CARMIL3: variants seen among roughly 807,000 people sequenced by gnomAD.
CARMIL3 encodes capping protein regulator and myosin 1 linker 3.
Under a neutral mutation model 180.8 loss-of-function variants are expected in CARMIL3, and 88 were observed. That is an observed-to-expected ratio of 0.49 (90% CI 0.41 to 0.58). The LOEUF (loss-of-function observed/expected upper bound fraction) is 0.58, where lower values mean the gene tolerates loss of function less well. Among genes scored for constraint, CARMIL3 ranks in the 20% least tolerant of loss-of-function variants. The pLI, the probability that CARMIL3 is intolerant of heterozygous loss-of-function variation, is 0.00. For synonymous variants in CARMIL3, 696 were observed against 714.5 expected (o/e 0.97, Z 0.41); for missense variants, 1,548 against 1,787.0 (o/e 0.87, Z 2.41).
chr14:24,052,740 AG>A (rs1269989477), intron 1 of CARMIL3, among the ~76,000 whole-genome samples: 3 of 152,260 alleles, frequency 2.0e-5, no homozygotes, highest in African/African-American at 7.2e-5. Flanking sequence ...AACCAAGAGC[AG>A]GAGGGTCTCT....
At position 24,053,449 on chromosome 14, in the gene CARMIL3, G is replaced by A. The variant is rs528518851; in HGVS notation, c.41-260G>A. Among the ~76,000 whole-genome samples the A allele has an allele frequency of 5.3e-5, 8 of 152,256 alleles. No individual in the cohort carries two copies. The South Asian group carries it at 6.2e-4, about 12-fold the overall frequency. Reference sequence around the variant, plus strand: ...ACCCTCCCACAGACAGTCAGCAACCGTCCCCTGACTCAGGGACATCAGGAG... The same window carrying A: ...ACCCTCCCACAGACAGTCAGCAACCATCCCCTGACTCAGGGACATCAGGAG... On this transcript the variant is annotated intron_variant, in intron 1 of 39. Coordinates refer to ENST00000342740, the MANE Select transcript of CARMIL3 (RefSeq NM_138360.4).
chr14:24,060,751 C>T lies in CARMIL3; in HGVS notation c.2185C>T (p.Arg729Trp), dbSNP rs754544491. Reference protein sequence around the residue: ...RDLIKDAKNSRALFPSLYELG... With the variant: ...RDLIKDAKNSWALFPSLYELG... The stretch of plus-strand genomic sequence containing the variant: ...CCTCATCAAAGATGCCAAGAACTCC[C>T]GGGCGGTGAGCCCTCCACAGGCTAC... Residue 729 changes from arginine to tryptophan, a missense_variant, in exon 25 of 40, where the codon CGG becomes TGG. By Grantham distance (101) the Arg-to-Trp change is moderately radical. Transcript: ENST00000342740. 10 of 1,613,312 alleles carry T rather than the reference C, an allele frequency of 6.2e-6. 1 individual carries two copies. The highest frequency in any genetic ancestry group is 4.4e-5 in the South Asian group (4 of 90,928).
intron 27 of CARMIL3, 26 bp from the exon 28 acceptor site, chr14:24,062,454 C>G: frequency 1.2e-6 from 2 of 1,604,164 alleles, no homozygotes; most frequent in Non-Finnish European, 1.7e-6. Flanking sequence ...TGCTAATGTT[C>G]TGAGTAGCCC....
At chr14:24,068,454 G>A (rs1454039410) in intron 36 of CARMIL3, 130 bp from the exon 37 acceptor site, 1 of 654,972 alleles carries the variant, frequency 1.5e-6, no homozygotes, top group Admixed American at 2.8e-5. Flanking sequence ...ATGAAAGGCA[G>A]AGACATAGGA....
In CARMIL3 at chr14:24,068,599, C is replaced by A. The variant is rs1356369921; in HGVS notation, c.3698C>A (p.Pro1233His). 1 of 1,612,970 alleles carries A rather than the reference C, an allele frequency of 6.2e-7. No homozygotes were observed. The change falls in exon 37 of 40, where the codon CCC becomes CAC. Residue 1233 changes from proline (P) to histidine (H), a missense_variant. Physicochemically the swap from Pro to His is moderately conservative, Grantham distance 77 (BLOSUM62 -2). Transcript: ENST00000342740. Reference protein sequence around the residue: ...ATWHIAEESAPNHSCQSPSPA... With the variant: ...ATWHIAEESAHNHSCQSPSPA... The stretch of plus-strand genomic sequence containing the variant: ...TCATCCCCAGCTGAAGAGAGTGCCC[C>A]CAACCACAGCTGCCAGAGTCCCAGC...
At chr14:24,057,312 A>AC in intron 14 of CARMIL3, 68 bp downstream of exon 14, 1 of 1,425,830 alleles carries the variant, frequency 7.0e-7, no homozygotes. Context: ...CCTCGGTCTC[A>AC]CCCCCTATCC....
intron 10 of CARMIL3, 49 bp from the exon 11 acceptor site, chr14:24,056,250 G>T: frequency 6.7e-7 from 1 of 1,496,020 alleles, no homozygotes; most frequent in Non-Finnish European, 9.2e-7. Flanking sequence ...CCCAGAGGCT[G>T]GGACCTGGGG....
Position 24,059,048 on chromosome 14 carries a change from A to C in CARMIL3, c.1571+62A>C. On this transcript the variant is annotated intron_variant, in intron 19 of 39. Transcript: ENST00000342740. The surrounding 1 kb of genome is among the most constrained non-coding windows in gnomAD (Gnocchi z 6.3). ...CATCATTCACCCATCCTCTTGGCTC[A>C]CCGTATTACCTCTGGCCACCTCTCT... The C allele has an allele frequency of 6.3e-7, 1 of 1,599,742 alleles. No homozygotes were observed. Among genetic ancestry groups the C allele is most frequent in the Non-Finnish European group, 8.5e-7 (1 of 1,172,482 alleles).
At chr14:24,062,451 G>C (rs756128806) in intron 27 of CARMIL3, 29 bp from the exon 28 acceptor site, 1 of 1,600,698 alleles carries the variant, frequency 6.2e-7, no homozygotes, top group Non-Finnish European at 8.6e-7. Flanking sequence ...AGGTGCTAAT[G>C]TTCTGAGTAG....
At position 24,059,452 on chromosome 14, in the gene CARMIL3, A is replaced by G. The variant is rs1389044404; in HGVS notation, c.1799+10A>G. Reference sequence around the variant, plus strand: ...TAAACTCCTCCCTCAGGTGGGGCCCACACCGGGACCCCCTGACCTGGAGCC... The same window carrying G: ...TAAACTCCTCCCTCAGGTGGGGCCCGCACCGGGACCCCCTGACCTGGAGCC... On this transcript the variant is annotated intron_variant, in intron 21 of 39. Coordinates refer to ENST00000342740, the MANE Select transcript of CARMIL3 (RefSeq NM_138360.4). This position sits in a 1 kb window ranked among gnomAD's most constrained non-coding sequence, Gnocchi z 6.3. The G allele has an allele frequency of 6.4e-7, 1 of 1,559,828 alleles. No individual in the cohort carries two copies. Among genetic ancestry groups the G allele is most frequent in the Non-Finnish European group, 8.7e-7 (1 of 1,151,878 alleles).
rs1334000343 is a variant in CARMIL3 at position 24,054,663 on chromosome 14, T to C, written c.363-48T>C. ...GCAGGAGCTATAACGTGGGAAGAAC[T>C]GAGAGCCTCTTTCCAGCCCTCTCTG... On this transcript the variant is annotated intron_variant, in intron 5 of 39. Transcript: ENST00000342740. This position sits in a 1 kb window ranked among gnomAD's most constrained non-coding sequence, Gnocchi z 5.1. 1 of 1,578,126 alleles carries C rather than the reference T, an allele frequency of 6.3e-7. No individual in the cohort carries two copies. The highest frequency in any genetic ancestry group is 8.7e-7 in the Non-Finnish European group (1 of 1,150,348).
At position 24,054,330 on chromosome 14, in the gene CARMIL3, C is replaced by T. The variant is rs372122412; in HGVS notation, c.246+29C>T. ...AGTACCAGGGCTTTGGGCCCCACTA[C>T]TGGGCCAGCTGGAGGAGGGAGCAGA... On this transcript the variant is annotated intron_variant, in intron 4 of 39. Transcript: ENST00000342740. This position sits in a 1 kb window ranked among gnomAD's most constrained non-coding sequence, Gnocchi z 5.1. 5.0e-5 allele frequency: 80 copies of T among 1,614,060 alleles called. 1 individual carries two copies. The highest frequency in any genetic ancestry group is 4.7e-4 in the South Asian group (43 of 91,078).
chr14:24,053,703 C>G lies in CARMIL3; in HGVS notation c.41-6C>G, dbSNP rs142116505. The G allele has an allele frequency of 1.7e-3, 2,723 of 1,604,878 alleles. 9 individuals carry two copies. The highest frequency in any genetic ancestry group is 2.7e-3 in the South Asian group (240 of 89,400). On this transcript the variant is annotated splice_region_variant and splice_polypyrimidine_tract_variant and intron_variant, in intron 1 of 39. Coordinates refer to ENST00000342740, the MANE Select transcript of CARMIL3 (RefSeq NM_138360.4). ...AAGCTCTGAGCAGGCTCCCACCCCC[C>G]CTCAGACAGCATCCGGAGGTGCCTG...
Position 24,057,113 on chromosome 14 carries a change from G to A in CARMIL3, c.1063-54G>A, listed in dbSNP as rs1053431919. 3.1e-6 allele frequency: 5 copies of A among 1,598,044 alleles called. 1 individual carries two copies. The East Asian group carries it at 1.1e-4, about 36-fold the overall frequency. ...GCCTTCTGCCCCATGGCCTCTGGGG[G>A]TGGCGAGACTCCATCATCCCTTCCC... On this transcript the variant is annotated intron_variant, in intron 13 of 39. Coordinates refer to ENST00000342740, the MANE Select transcript of CARMIL3 (RefSeq NM_138360.4).
rs2035699899 is a variant in CARMIL3 at position 24,058,731 on chromosome 14, T to G, written c.1444T>G (p.Cys482Gly). 6.2e-7 allele frequency: 1 copy of G among 1,613,848 alleles called. No individual in the cohort carries two copies. Among genetic ancestry groups the G allele is most frequent in the East Asian group, 2.2e-5 (1 of 44,884 alleles). ...GCAGGAGCAGCTGGGAGCTGTCACCTGTGTAGGCAGCCTGGATCTGTCAGA... is the reference window on the plus strand; with the variant it reads ...GCAGGAGCAGCTGGGAGCTGTCACCGGTGTAGGCAGCCTGGATCTGTCAGA... ...ALQEQLGAVTCVGSLDLSDNG... is the reference protein window; with the variant it reads ...ALQEQLGAVTGVGSLDLSDNG... Residue 482 changes from cysteine to glycine, a missense_variant, in exon 18 of 40, where the codon TGT (cysteine) becomes GGT (glycine). This residue lies in a region of CARMIL3 where 578 missense variants were observed against 666.5 expected (regional missense o/e 0.87). Coordinates refer to ENST00000342740, the MANE Select transcript of CARMIL3 (RefSeq NM_138360.4). The surrounding 1 kb of genome is among the most constrained non-coding windows in gnomAD (Gnocchi z 6.4).
chr14:24,056,754 G>T, intron 12 of CARMIL3, 46 bp downstream of exon 12: 1 of 1,583,462 alleles, frequency 6.3e-7, no homozygotes, highest in Admixed American at 1.7e-5. Context: ...CCCTGGTGCT[G>T]CCTGGGGTGT....
rs773365519 is a variant in CARMIL3, at chr14:24,062,791, G to A, written c.2651G>A (p.Arg884Gln). Residue 884 changes from arginine (R) to glutamine (Q), a missense_variant, in exon 29 of 40, where the codon CGA becomes CAA. By Grantham distance (43) the Arg-to-Gln change is conservative (BLOSUM62 1). Coordinates refer to ENST00000342740, the MANE Select transcript of CARMIL3 (RefSeq NM_138360.4). ...GGGCAGGATCTGTCCTCCCGGGGCC[G>A]AGGCCGGAACCATGACCATGAGGAG... ...GQGQDLSSRG[R>Q]GRNHDHEETT... 11 of 1,613,724 alleles carry A rather than the reference G, an allele frequency of 6.8e-6. No individual in the cohort carries two copies. The highest frequency in any genetic ancestry group is 1.6e-4 in the Middle Eastern group (1 of 6,084).
Position 24,058,360 on chromosome 14 carries a change from C to A in CARMIL3, c.1392+136C>A. The A allele has an allele frequency of 1.1e-6, 1 of 890,694 alleles. No homozygotes were observed. Among genetic ancestry groups the A allele is most frequent in the Non-Finnish European group, 1.7e-6 (1 of 579,484 alleles). 55.2% of individuals were successfully genotyped at this position (890,694 alleles called of 1,614,324 possible). On this transcript the variant is annotated intron_variant, in intron 17 of 39. Transcript: ENST00000342740. This position sits in a 1 kb window ranked among gnomAD's most constrained non-coding sequence, Gnocchi z 6.4. ...CTGACCTGGCCACACCACCACTTTC[C>A]CCTCTCAGTCTGGCCTCTTTTCCAG...
At position 24,068,636 on chromosome 14, in the gene CARMIL3, A is replaced by C; in HGVS notation, c.3735A>C (p.Gln1245His). The C allele has an allele frequency of 6.2e-7, 1 of 1,614,026 alleles. No homozygotes were observed. Among genetic ancestry groups the C allele is most frequent in the Non-Finnish European group, 8.5e-7 (1 of 1,179,972 alleles). Residue 1245 changes from glutamine (Q) to histidine (H), a missense_variant, in exon 37 of 40, where the codon CAA becomes CAC. Transcript: ENST00000342740. ...HSCQSPSPAS[Q>H]DGEEEKEGTL... ...GCCAGAGTCCCAGCCCAGCCTCCCA[A>C]GATGGGGAAGAGGAGAAGGAGGGGA...
Sources: allele counts gnomAD v4.1 joint callset (sites outside exome capture counted in the v4.1 genomes callset), GRCh38; gene constraint gnomAD v4.1.1; regional missense constraint gnomAD v4.1.1; non-coding constraint Gnocchi (gnomAD v3.1); transcripts MANE v1.5; gene names NCBI Gene and HGNC (gene_info 2026-07-23, HGNC 2026-07-21).